The following AUTS2 variants were observed in gnomAD, a reference collection of about 807,000 sequenced individuals.
The protein encoded by AUTS2 is activator of transcription and developmental regulator AUTS2, also known as autism susceptibility gene 2 protein.
A neutral mutation model predicts 112.4 loss-of-function variants in AUTS2; 17 were observed. That is an observed-to-expected ratio of 0.15 (90% CI 0.10 to 0.23). The LOEUF is 0.23. Ranked by LOEUF, AUTS2 falls within the 10% of genes least tolerant of loss-of-function variation. The probability of loss-of-function intolerance (pLI) is 1.00; values close to 1 mark genes in which losing one functional copy is unlikely to be tolerated. For synonymous variants in AUTS2, 751 were observed against 702.7 expected, an observed-to-expected ratio of 1.07 and a Z score of -1.09; for missense variants, 1,510 against 1,701.6, an observed-to-expected ratio of 0.89 and a Z score of 1.98.
At chr7:70,170,215 A>C (rs942471789) in intron 4 of AUTS2, among the ~76,000 whole-genome samples, 9 of 143,506 alleles carry the variant, frequency 6.3e-5, no homozygotes, top group African/African-American at 2.1e-4. Context: ...GCTGGAGTGC[A>C]GTGGCATGAT....
intron 5 of AUTS2, among the ~76,000 whole-genome samples, chr7:70,512,367 T>A (rs531629068): frequency 6.6e-6 from 1 of 152,304 alleles, no homozygotes; most frequent in South Asian, 2.1e-4. Flanking sequence ...CCAGACCACT[T>A]GGAGGGAAGT....
chr7:69,658,146 A>G (rs1014344687), intron 1 of AUTS2, among the ~76,000 whole-genome samples: 6 of 152,240 alleles, frequency 3.9e-5, no homozygotes, highest in African/African-American at 1.4e-4. Context: ...CATTTACGTT[A>G]TTGCCTTTGG....
intron 1 of AUTS2, among the ~76,000 whole-genome samples, chr7:69,659,451 A>ATT (rs57592846): frequency 9.4e-5 from 13 of 137,898 alleles, no homozygotes; most frequent in East Asian, 8.4e-4. Context: ...TTGGGAAGCA[A>ATT]TTTTTTTTTT....
intron 4 of AUTS2, among the ~76,000 whole-genome samples, chr7:70,355,853 T>TACC (rs1791988214): frequency 6.6e-6 from 1 of 152,210 alleles, no homozygotes; most frequent in Non-Finnish European, 1.5e-5. Flanking sequence ...TCTGGAACCA[T>TACC]GCTGCCTTAC....
chr7:69,668,198 A>G lies in AUTS2; in HGVS notation c.309+68236A>G, dbSNP rs1796158844. The stretch of plus-strand genomic sequence containing the variant: ...GCTCTTGGTGATTATAGTTTGACTT[A>G]TTTTGCTTTTATTCAGTTTTTGTGG... On this transcript the variant is annotated intron_variant, in intron 1 of 18. Coordinates refer to ENST00000342771, the MANE Select transcript of AUTS2 (RefSeq NM_015570.4). Among the ~76,000 whole-genome samples, 5 of 152,002 alleles carry G rather than the reference A, an allele frequency of 3.3e-5. No individual in the cohort carries two copies. In the South Asian group the frequency reaches 1.0e-3, roughly 32 times the overall value.
rs148793800 is a variant in AUTS2 at position 69,885,459 on chromosome 7, G to A, written c.310-13827G>A. 5.9e-5 allele frequency among the ~76,000 whole-genome samples: 9 copies of A among 152,310 alleles called. No homozygotes were observed. In the East Asian group the frequency reaches 1.7e-3, roughly 29 times the overall value. The stretch of plus-strand genomic sequence containing the variant: ...TCGGCTATTTGACTTAGGAGGCATA[G>A]CCTTTCCCTAATTACACTTCGGTGG... On this transcript the variant is annotated intron_variant, in intron 1 of 18. Coordinates refer to ENST00000342771, the MANE Select transcript of AUTS2 (RefSeq NM_015570.4).
At chr7:69,732,717 T>TA (rs924663502) in intron 1 of AUTS2, among the ~76,000 whole-genome samples, 1 of 152,134 alleles carries the variant, frequency 6.6e-6, no homozygotes, top group Non-Finnish European at 1.5e-5. Context: ...AAGCATTTAA[T>TA]AAAAAAATCC....
chr7:70,032,014 A>G lies in AUTS2; in HGVS notation c.523-86118A>G, dbSNP rs758186800. 1.1e-4 allele frequency among the ~76,000 whole-genome samples: 16 copies of G among 152,278 alleles called. No individual in the cohort carries two copies. In the South Asian group the frequency reaches 1.2e-3, roughly 12 times the overall value. ...TGAAGTGAAGCACATTTTCCCACAG[A>G]AACAGTATAGTAGTCGGGGTTAACG... On this transcript the variant is annotated intron_variant, in intron 2 of 18. Coordinates refer to ENST00000342771, the MANE Select transcript of AUTS2 (RefSeq NM_015570.4).
intron 1 of AUTS2, among the ~76,000 whole-genome samples, chr7:69,611,932 G>A (rs1583937389): frequency 4.3e-4 from 5 of 11,634 alleles, no homozygotes; most frequent in Admixed American, 1.4e-3. Flanking sequence ...GCGAGACTCC[G>A]TCTCAAAAAA....
At chr7:70,380,680 G>A (rs1793326842) in intron 4 of AUTS2, among the ~76,000 whole-genome samples, 1 of 152,222 alleles carries the variant, frequency 6.6e-6, no homozygotes, top group South Asian at 2.1e-4. Flanking sequence ...CTGAACTGGC[G>A]ACCATGGGCT....
chr7:70,705,359 G>A (rs767261769), intron 6 of AUTS2, among the ~76,000 whole-genome samples: 3 of 152,140 alleles, frequency 2.0e-5, no homozygotes, highest in Non-Finnish European at 4.4e-5. Context: ...CGAGTAATCC[G>A]CTCCGTGCAT....
intron 4 of AUTS2, among the ~76,000 whole-genome samples, chr7:70,271,128 T>TA (rs1787673993): frequency 6.6e-6 from 1 of 152,144 alleles, no homozygotes. Flanking sequence ...CTGCTTACCT[T>TA]ACAGCAGTTA....
At chr7:70,627,903 T>C (rs1458440099) in intron 5 of AUTS2, among the ~76,000 whole-genome samples, 1 of 152,164 alleles carries the variant, frequency 6.6e-6, no homozygotes, top group Non-Finnish European at 1.5e-5. Flanking sequence ...AACAGGCCCC[T>C]GTGTAGAGTC....
At chr7:69,876,240 G>A (rs867792681) in intron 1 of AUTS2, among the ~76,000 whole-genome samples, 23 of 142,552 alleles carry the variant, frequency 1.6e-4, no homozygotes, top group South Asian at 1.3e-3. Context: ...GGTGGCGTGC[G>A]CCTGTACCTC....
At chr7:70,038,851 C>T (rs965852115) in intron 2 of AUTS2, among the ~76,000 whole-genome samples, 10 of 152,036 alleles carry the variant, frequency 6.6e-5, no homozygotes, top group African/African-American at 1.9e-4. Context: ...CTCTGCCTCC[C>T]GGGTTCAAAC....
intron 2 of AUTS2, among the ~76,000 whole-genome samples, chr7:70,117,441 G>A (rs1805441608): frequency 6.6e-6 from 1 of 151,816 alleles, no homozygotes; most frequent in Admixed American, 6.6e-5. Context: ...GAAGAAAAAA[G>A]GTAAGAAATC....
intron 2 of AUTS2, among the ~76,000 whole-genome samples, chr7:69,988,985 A>G (rs1409650425): frequency 1.3e-5 from 2 of 152,216 alleles, no homozygotes; most frequent in Admixed American, 6.5e-5. Context: ...AAGAAAGACA[A>G]GGAGATGCAA....
Position 69,837,719 on chromosome 7 carries a change from G to T in AUTS2, c.310-61567G>T, listed in dbSNP as rs77210121. The stretch of plus-strand genomic sequence containing the variant: ...GTCATGTTTGTTAAGGGACCACATG[G>T]TGTATTTTAAAAGCTCTTAACTCTC... On this transcript the variant is annotated intron_variant, in intron 1 of 18. Coordinates refer to ENST00000342771, the MANE Select transcript of AUTS2 (RefSeq NM_015570.4). Among the ~76,000 whole-genome samples, 1,365 of 152,254 alleles carry T rather than the reference G, an allele frequency of 9.0e-3. 24 individuals carry two copies. The highest frequency in any genetic ancestry group is 0.047 in the South Asian group (226 of 4,822).
At chr7:70,552,535 T>C (rs149930607) in intron 5 of AUTS2, among the ~76,000 whole-genome samples, 91 of 152,284 alleles carry the variant, frequency 6.0e-4, no homozygotes, top group Admixed American at 1.3e-3. Context: ...AATAGAAGGT[T>C]TGTTTTTGCT....
Sources: allele counts gnomAD v4.1 joint callset (sites outside exome capture counted in the v4.1 genomes callset), GRCh38; gene constraint gnomAD v4.1.1; transcripts MANE v1.5; gene names NCBI Gene and HGNC (gene_info 2026-07-23, HGNC 2026-07-21).